FAT3: variants seen among roughly 807,000 people sequenced by gnomAD.
FAT3 encodes the protein FAT atypical cadherin 3.
In FAT3, 95 loss-of-function variants were observed where a neutral mutation model predicts 310.2. The observed-to-expected ratio is 0.31, with a 90% confidence interval of 0.26 to 0.36. The LOEUF (loss-of-function observed/expected upper bound fraction) is 0.36, where lower values mean the gene tolerates loss of function less well. FAT3 is among the 10% of genes least tolerant of loss of function. The pLI is 1.00. For synonymous variants in FAT3, 2,314 were observed against 2,192.9 expected (o/e 1.06, Z -1.54); for missense variants, 5,408 against 5,715.6 (o/e 0.95, Z 1.74).
rs1286182649 is a variant in FAT3, at chr11:92,353,890, T to C, written c.1778T>C (p.Val593Ala). The C allele has an allele frequency of 3.1e-6, 5 of 1,613,220 alleles. No homozygotes were observed. The highest frequency in any genetic ancestry group is 1.3e-5 in the African/African-American group (1 of 74,914). Reference sequence around the variant, plus strand: ...GGAGTTATTTCATATGACTTTCCAGTTGGTGGTCACATCACAGCAGTCTCA... The same window carrying C: ...GGAGTTATTTCATATGACTTTCCAGCTGGTGGTCACATCACAGCAGTCTCA... ...CQGVISYDFP[V>A]GGHITAVSAI... The change falls in exon 2 of 28, where the codon GTT becomes GCT. Residue 593 changes from valine (V) to alanine (A), a missense_variant. Val to Ala is a moderately conservative substitution (Grantham distance 64, BLOSUM62 0). Around this residue, in one of 5 missense-constraint regions of FAT3, gnomAD observed 4,588 missense variants for 4,809.8 expected, o/e 0.95. Coordinates refer to ENST00000525166, the MANE Select transcript of FAT3 (RefSeq NM_001367949.2).
intron 1 of FAT3, among the ~76,000 whole-genome samples, chr11:92,290,363 C>G (rs1946659276): frequency 6.6e-6 from 1 of 152,132 alleles, no homozygotes; most frequent in Non-Finnish European, 1.5e-5. Flanking sequence ...TGGTGCCTGT[C>G]CCATAATAAG....
intron 2 of FAT3, among the ~76,000 whole-genome samples, chr11:92,392,677 C>A (rs776213459): frequency 1.3e-5 from 2 of 152,210 alleles, no homozygotes; most frequent in South Asian, 4.1e-4. Flanking sequence ...ACCACCACAT[C>A]TGTCTGGTTT....
At chr11:92,404,110 C>A (rs1950087689) in intron 2 of FAT3, among the ~76,000 whole-genome samples, 2 of 152,036 alleles carry the variant, frequency 1.3e-5, no homozygotes, top group Admixed American at 1.3e-4. Flanking sequence ...AAGAGAAAAA[C>A]AACTACAGGT....
At chr11:92,298,697 C>T (rs1207486836) in intron 1 of FAT3, among the ~76,000 whole-genome samples, 1 of 152,132 alleles carries the variant, frequency 6.6e-6, no homozygotes, top group Admixed American at 6.6e-5. Flanking sequence ...AATCAACTTC[C>T]AATTTTTTTT....
At chr11:92,851,130 G>A (rs539441362) in intron 19 of FAT3, among the ~76,000 whole-genome samples, 56 of 152,288 alleles carry the variant, frequency 3.7e-4, no homozygotes, top group African/African-American at 1.3e-3. Context: ...ACAAGCCCCA[G>A]GCTTTATTCT....
intron 2 of FAT3, among the ~76,000 whole-genome samples, chr11:92,368,518 G>A (rs1488776178): frequency 6.6e-6 from 1 of 152,106 alleles, no homozygotes; most frequent in Admixed American, 6.6e-5. Flanking sequence ...CTTGTATGCT[G>A]CATCATCCAG....
At chr11:92,831,601 T>A (rs6483189) in intron 13 of FAT3, 21 bp from the exon 14 acceptor site, 3 of 1,594,212 alleles carry the variant, frequency 1.9e-6, no homozygotes, top group Non-Finnish European at 2.6e-6. Flanking sequence ...GCCCACTCAT[T>A]TTCCTGTGTC....
At chr11:92,291,945 GA>G (rs1946706378) in intron 1 of FAT3, among the ~76,000 whole-genome samples, 4 of 151,948 alleles carry the variant, frequency 2.6e-5, no homozygotes, top group South Asian at 2.1e-4. Flanking sequence ...TTTTTTCAAG[GA>G]AAAAATATCA....
chr11:92,455,925 T>C (rs921876003), intron 2 of FAT3, among the ~76,000 whole-genome samples: 2 of 152,194 alleles, frequency 1.3e-5, no homozygotes, highest in African/African-American at 4.8e-5. Context: ...GGTACTCTAG[T>C]TCAGCTTTCC....
Position 92,835,092 on chromosome 11 carries a change from C to G in FAT3, c.10086+8C>G. ...GGAGACTCTGTCATTTTGGTAGGTACCTGGGGTTGGGGATGGTTCTAGATG... is the reference window on the plus strand; with the variant it reads ...GGAGACTCTGTCATTTTGGTAGGTAGCTGGGGTTGGGGATGGTTCTAGATG... On this transcript the variant is annotated splice_region_variant and intron_variant, in intron 15 of 27. Transcript: ENST00000525166. 1.2e-6 allele frequency: 2 copies of G among 1,609,700 alleles called. No individual in the cohort carries two copies. Among genetic ancestry groups the G allele is most frequent in the Non-Finnish European group, 1.7e-6 (2 of 1,178,092 alleles).
At chr11:92,378,491 T>G (rs926145838) in intron 2 of FAT3, among the ~76,000 whole-genome samples, 3 of 152,186 alleles carry the variant, frequency 2.0e-5, no homozygotes, top group African/African-American at 7.2e-5. Flanking sequence ...GTTGGAAATG[T>G]AGGTTCATTT....
chr11:92,420,790 A>T (rs562815838), intron 2 of FAT3, among the ~76,000 whole-genome samples: 31 of 152,318 alleles, frequency 2.0e-4, no homozygotes, highest in African/African-American at 7.2e-4. Flanking sequence ...CCAAAGGAAC[A>T]CTTGATTCCC....
intron 2 of FAT3, among the ~76,000 whole-genome samples, chr11:92,417,309 T>C (rs967019757): frequency 1.3e-5 from 2 of 152,202 alleles, no homozygotes; most frequent in Admixed American, 1.3e-4. Flanking sequence ...GGGAATCTAT[T>C]TTAAATTGTA....
chr11:92,668,964 A>G (rs1216479124), intron 3 of FAT3, among the ~76,000 whole-genome samples: 1 of 152,210 alleles, frequency 6.6e-6, no homozygotes, highest in Non-Finnish European at 1.5e-5. Flanking sequence ...TGAGCTACTC[A>G]GGGCACTTAG....
intron 4 of FAT3, among the ~76,000 whole-genome samples, chr11:92,703,616 A>G (rs1256721762): frequency 1.3e-5 from 2 of 152,126 alleles, no homozygotes; most frequent in Admixed American, 1.3e-4. Flanking sequence ...CTTTCCACTC[A>G]TTCCTTCCAT....
At chr11:92,729,143 GT>G (rs1472867837) in intron 4 of FAT3, among the ~76,000 whole-genome samples, 2 of 152,074 alleles carry the variant, frequency 1.3e-5, no homozygotes, top group Non-Finnish European at 2.9e-5. Flanking sequence ...ATATAAAGTT[GT>G]TTTTTCCCGA....
At chr11:92,410,087 T>C (rs915342065) in intron 2 of FAT3, among the ~76,000 whole-genome samples, 2 of 152,168 alleles carry the variant, frequency 1.3e-5, no homozygotes, top group East Asian at 3.9e-4. Context: ...ACTTTTTACA[T>C]TTCTTTTACC....
Position 92,297,863 on chromosome 11 carries a change from C to G in FAT3, c.-17-54233C>G, listed in dbSNP as rs184253656. Among the ~76,000 whole-genome samples, 192 of 152,210 alleles carry G rather than the reference C, an allele frequency of 1.3e-3. 3 individuals are homozygous for G. The highest frequency in any genetic ancestry group is 0.011 in the Admixed American group (165 of 15,268). On this transcript the variant is annotated intron_variant, in intron 1 of 27. Transcript: ENST00000525166. ...ATTCTCTTTTGAAATCTTAAATTGT[C>G]CACAATCTGTGGCAACTCTTGTTTT...
At chr11:92,880,558 T>C (rs1195924618) in intron 22 of FAT3, among the ~76,000 whole-genome samples, 173 bp from the exon 23 acceptor site, 3 of 151,980 alleles carry the variant, frequency 2.0e-5, no homozygotes, top group Non-Finnish European at 4.4e-5. Context: ...AACTGTAACT[T>C]GGCATTTTTG....
Sources: allele counts gnomAD v4.1 joint callset (sites outside exome capture counted in the v4.1 genomes callset), GRCh38; gene constraint gnomAD v4.1.1; regional missense constraint gnomAD v4.1.1; transcripts MANE v1.5; gene names NCBI Gene and HGNC (gene_info 2026-07-23, HGNC 2026-07-21).